CCDC191: variants seen among roughly 807,000 people sequenced by gnomAD.
The protein encoded by CCDC191 is coiled-coil domain-containing protein 191.
Under a neutral mutation model 114.0 loss-of-function variants are expected in CCDC191, and 99 were observed. The observed-to-expected ratio is 0.87, with a 90% CI of 0.74 to 1.03. The LOEUF (loss-of-function observed/expected upper bound fraction) is 1.03, where lower values mean the gene tolerates loss of function less well. Among genes scored for constraint, CCDC191 ranks in the 50% least tolerant of loss-of-function variants. The pLI is 0.00. For missense variants in CCDC191, 973 were observed against 1,087.0 expected, an observed-to-expected ratio of 0.90 and a Z score of 1.47; for synonymous variants, 351 against 376.0, an observed-to-expected ratio of 0.93 and a Z score of 0.77.
chr3:114,027,989 T>C (rs2076348688), intron 7 of CCDC191, among the ~76,000 whole-genome samples: 1 of 152,228 alleles, frequency 6.6e-6, no homozygotes, highest in Non-Finnish European at 1.5e-5. Context: ...AGGACTGTCC[T>C]ATCTATAACC....
intron 2 of CCDC191, among the ~76,000 whole-genome samples, chr3:114,053,013 C>T (rs2076717429): frequency 6.6e-6 from 1 of 152,182 alleles, no homozygotes; most frequent in Admixed American, 6.5e-5. Flanking sequence ...CTCAAAAATA[C>T]ATATCTCAGG....
intron 2 of CCDC191, among the ~76,000 whole-genome samples, chr3:114,047,669 A>G (rs987990203): frequency 1.2e-4 from 18 of 152,104 alleles, no homozygotes; most frequent in African/African-American, 4.1e-4. Flanking sequence ...CTCAAAATAA[A>G]TAAATTTAAT....
At chr3:114,023,993 C>G (rs1361358881) in intron 7 of CCDC191, among the ~76,000 whole-genome samples, 1 of 152,174 alleles carries the variant, frequency 6.6e-6, no homozygotes, top group African/African-American at 2.4e-5. Flanking sequence ...CTACAATGAA[C>G]TCAAACAAAT....
intron 7 of CCDC191, among the ~76,000 whole-genome samples, chr3:114,021,913 T>TGAAA (rs1251349694): frequency 1.3e-5 from 2 of 152,210 alleles, no homozygotes; most frequent in East Asian, 3.8e-4. Context: ...ACCATGTTTT[T>TGAAA]ATTTCTGTTA....
At chr3:114,025,482 A>G (rs2076308419) in intron 7 of CCDC191, among the ~76,000 whole-genome samples, 1 of 152,190 alleles carries the variant, frequency 6.6e-6, no homozygotes, top group African/African-American at 2.4e-5. Context: ...AGGCCATTTT[A>G]TAAGTTCTTA....
intron 2 of CCDC191, among the ~76,000 whole-genome samples, chr3:114,052,625 T>G (rs1278675850): frequency 6.6e-6 from 1 of 152,222 alleles, no homozygotes; most frequent in Non-Finnish European, 1.5e-5. Context: ...TTTAGTAAGT[T>G]GTTTATTCTC....
chr3:114,006,619 A>ATATATAAAT (rs1559903359), intron 9 of CCDC191, among the ~76,000 whole-genome samples: 42 of 92,506 alleles, frequency 4.5e-4, no homozygotes, highest in African/African-American at 1.4e-3. Flanking sequence ...TATATATATA[A>ATATATAAAT]ATATATATAT....
At chr3:114,006,270 G>A (rs1268640869) in intron 9 of CCDC191, among the ~76,000 whole-genome samples, 5 of 151,936 alleles carry the variant, frequency 3.3e-5, no homozygotes, top group Admixed American at 1.3e-4. Flanking sequence ...CCAACATGGT[G>A]AAACCCTGTC....
At chr3:113,988,931 C>T (rs1408266579) in intron 13 of CCDC191, among the ~76,000 whole-genome samples, 2 of 151,866 alleles carry the variant, frequency 1.3e-5, no homozygotes, top group Non-Finnish European at 2.9e-5. Flanking sequence ...GTAGCTGGGA[C>T]TACAGGTGCC....
intron 11 of CCDC191, chr3:114,002,935 C>T (rs749374098): frequency 4.5e-4 from 442 of 983,072 alleles, no homozygotes; most frequent in Non-Finnish European, 4.8e-4. Context: ...AGAGTAGAAT[C>T]GTTCCTCAAA....
chr3:113,994,580 CTTT>C (rs35624147), intron 13 of CCDC191, among the ~76,000 whole-genome samples: 33 of 128,858 alleles, frequency 2.6e-4, no homozygotes, highest in Admixed American at 2.4e-4. Flanking sequence ...AAACTAAATT[CTTT>C]TTTTTTTTTT....
chr3:113,998,306 CAAAAA>C (rs61430954), intron 13 of CCDC191, among the ~76,000 whole-genome samples: 1 of 82,628 alleles, frequency 1.2e-5, no homozygotes, highest in African/African-American at 4.7e-5. Flanking sequence ...AACTCTGCTT[CAAAAA>C]AAAAAAAAAA....
intron 15 of CCDC191, 35 bp downstream of exon 15, chr3:113,978,823 A>C: frequency 6.3e-7 from 1 of 1,590,708 alleles, no homozygotes; most frequent in South Asian, 1.1e-5. Context: ...TTGAGCAATG[A>C]GATGTATTTA....
chr3:114,009,451 A>T (rs2076030257), intron 9 of CCDC191, among the ~76,000 whole-genome samples: 1 of 152,178 alleles, frequency 6.6e-6, no homozygotes, highest in Non-Finnish European at 1.5e-5. Context: ...GTTTTTTAAA[A>T]AAATTTTAAA....
chr3:113,984,485 G>A (rs1161747078), intron 13 of CCDC191: 1 of 152,186 alleles, frequency 6.6e-6, no homozygotes. Context: ...AGCATATAAG[G>A]AAGTAAAGAA....
chr3:114,050,887 A>G (rs2076690918), intron 2 of CCDC191, among the ~76,000 whole-genome samples: 1 of 152,224 alleles, frequency 6.6e-6, no homozygotes, highest in Non-Finnish European at 1.5e-5. Flanking sequence ...GAGTCAGTCC[A>G]TCTCATCAAG....
Position 113,980,766 on chromosome 3 carries a change from T to TA in CCDC191, c.2190dup (p.Lys731Ter). 1 of 1,608,598 alleles carries TA rather than the reference T, an allele frequency of 6.2e-7. No individual in the cohort carries two copies. Among genetic ancestry groups the TA allele is most frequent in the Non-Finnish European group, 8.5e-7 (1 of 1,178,562 alleles). On this transcript the variant is annotated frameshift_variant, in exon 14 of 17. Coordinates refer to ENST00000295878, the MANE Select transcript of CCDC191 (RefSeq NM_020817.2). LOFTEE classifies it high-confidence loss of function. ...ATTGCTTCCAGCTGCTGGTTCCTCTTAATTCTCTTCTGCTTCTCAAGTTCT... is the reference window on the plus strand; with the variant it reads ...ATTGCTTCCAGCTGCTGGTTCCTCTTAAATTCTCTTCTGCTTCTCAAGTTCT...
chr3:114,015,604 A>C (rs1234739780), intron 8 of CCDC191, among the ~76,000 whole-genome samples: 2 of 152,208 alleles, frequency 1.3e-5, no homozygotes, highest in Non-Finnish European at 2.9e-5. Flanking sequence ...CCAACTTTCA[A>C]AAATGAACAC....
rs1026472352 is a variant in CCDC191, at chr3:114,005,949, G to A, written c.1427C>T (p.Pro476Leu). 6 of 1,613,862 alleles carry A rather than the reference G, an allele frequency of 3.7e-6. No individual in the cohort carries two copies. Among genetic ancestry groups the A allele is most frequent in the Non-Finnish European group, 5.1e-6 (6 of 1,179,876 alleles). Reference sequence around the variant, plus strand: ...CAAGGGAGGCTTTTCCCACAAAGGGGGCACAGCAGTCTCCTGAGAGAGAGA... The same window carrying A: ...CAAGGGAGGCTTTTCCCACAAAGGGAGCACAGCAGTCTCCTGAGAGAGAGA... ...PVKNGQETAV[P>L]PLWEKPPLGS... is the part of the protein sequence containing the mutation. Residue 476 changes from proline (P) to leucine (L), a missense_variant, in exon 10 of 17, where the codon CCC (proline) becomes CTC (leucine). By Grantham distance (98) the Pro-to-Leu change is moderately conservative. Transcript: ENST00000295878.
Sources: gnomAD v4.1 joint callset for allele counts (sites outside exome capture counted in the v4.1 genomes callset) on GRCh38, gnomAD v4.1.1 for gene constraint, MANE v1.5 for transcripts, NCBI Gene and HGNC (gene_info 2026-07-23, HGNC 2026-07-21) for gene names.